The following NBEA variants were observed in gnomAD, a reference collection of about 807,000 sequenced individuals.
The protein encoded by NBEA is lysosomal-trafficking regulator 2.
NBEA carries 44 observed loss-of-function variants against 343.4 expected under a neutral mutation model. The ratio of observed to expected loss-of-function variants is 0.13; its 90% CI spans 0.10 to 0.16. The LOEUF (loss-of-function observed/expected upper bound fraction) is 0.16, where lower values mean the gene tolerates loss of function less well. Among genes scored for constraint, NBEA ranks in the 10% least tolerant of loss-of-function variants. The pLI is 1.00. For missense variants in NBEA, 2,555 were observed against 3,631.3 expected (o/e 0.70, Z 7.62); for synonymous variants, 1,175 against 1,238.7 (o/e 0.95, Z 1.08).
At chr13:35,309,633 T>C (rs1273532707) in intron 36 of NBEA, 41 bp downstream of exon 36, 1 of 1,197,056 alleles carries the variant, frequency 8.4e-7, no homozygotes, top group African/African-American at 1.6e-5. Context: ...TCAGTGTACA[T>C]TTTATTCCAC....
chr13:35,086,413 G>A (rs576733835), intron 10 of NBEA, among the ~76,000 whole-genome samples: 78 of 151,996 alleles, frequency 5.1e-4, no homozygotes, highest in African/African-American at 1.8e-3. Flanking sequence ...CTGTATGTTT[G>A]TACCGACTAA....
At chr13:35,305,004 A>G (rs889640472) in intron 35 of NBEA, among the ~76,000 whole-genome samples, 12 of 152,266 alleles carry the variant, frequency 7.9e-5, no homozygotes, top group Non-Finnish European at 1.6e-4. Context: ...ACTACCACCT[A>G]CTAAAAAATA....
chr13:35,334,497 T>C (rs1457198431), intron 36 of NBEA, among the ~76,000 whole-genome samples: 1 of 152,162 alleles, frequency 6.6e-6, no homozygotes, highest in Non-Finnish European at 1.5e-5. Flanking sequence ...CTCGAACTCC[T>C]GACCTCAGGT....
chr13:35,485,574 A>G (rs2076277826), intron 41 of NBEA, among the ~76,000 whole-genome samples: 1 of 152,084 alleles, frequency 6.6e-6, no homozygotes, highest in Non-Finnish European at 1.5e-5. Context: ...GAAACCTACT[A>G]TACTTAATGG....
chr13:35,044,603 G>GGGGT (rs1555286328), intron 2 of NBEA, among the ~76,000 whole-genome samples: 1 of 142,512 alleles, frequency 7.0e-6, no homozygotes, highest in Non-Finnish European at 1.5e-5. Context: ...GCTGTGTTGT[G>GGGGT]GTGTGTGTGT....
intron 18 of NBEA, among the ~76,000 whole-genome samples, chr13:35,152,930 G>A (rs965678333): frequency 1.4e-4 from 21 of 151,946 alleles, no homozygotes; most frequent in African/African-American, 4.6e-4. Context: ...AACCTTTGGG[G>A]CCCATCTTGA....
chr13:35,429,823 G>GTGTGTGTGTA (rs1448402212), intron 38 of NBEA, among the ~76,000 whole-genome samples: 1 of 145,894 alleles, frequency 6.9e-6, no homozygotes, highest in African/African-American at 2.6e-5. Context: ...GTGTGTGTGT[G>GTGTGTGTGTA]TGTGTGTGTG....
At chr13:34,967,564 A>G (rs1263443602) in intron 1 of NBEA, among the ~76,000 whole-genome samples, 1 of 152,068 alleles carries the variant, frequency 6.6e-6, no homozygotes, top group Non-Finnish European at 1.5e-5. Flanking sequence ...AAGTAAATAC[A>G]TACAAATGTA....
At position 35,551,490 on chromosome 13, in the gene NBEA, T is replaced by C. The variant is rs182456154; in HGVS notation, c.6806+458T>C. 5.4e-4 allele frequency among the ~76,000 whole-genome samples: 82 copies of C among 152,304 alleles called. 1 individual carries two copies. The highest frequency in any genetic ancestry group is 5.1e-3 in the Admixed American group (78 of 15,288). On this transcript the variant is annotated intron_variant, in intron 43 of 58. Transcript: ENST00000379939. ...TAATTATGGTATAGTTGTAACCACA[T>C]TTCCTAGATTTTCATCTTGGTATTT...
chr13:35,440,693 G>C (rs2045693248), intron 39 of NBEA, among the ~76,000 whole-genome samples: 1 of 152,174 alleles, frequency 6.6e-6, no homozygotes, highest in Non-Finnish European at 1.5e-5. Flanking sequence ...TGCTGTGAAG[G>C]GGATTGTCGT....
At chr13:35,136,659 A>G (rs1196100482) in intron 17 of NBEA, among the ~76,000 whole-genome samples, 1 of 152,240 alleles carries the variant, frequency 6.6e-6, no homozygotes, top group African/African-American at 2.4e-5. Context: ...CTGGCCTCAG[A>G]CTTCTCCCAG....
intron 49 of NBEA, among the ~76,000 whole-genome samples, chr13:35,633,471 G>A (rs2083558999): frequency 6.6e-6 from 1 of 151,500 alleles, no homozygotes; most frequent in South Asian, 2.1e-4. Flanking sequence ...ACCGAGGCGG[G>A]TGGATCACTA....
chr13:35,418,230 G>A (rs1340261904), intron 38 of NBEA, among the ~76,000 whole-genome samples: 1 of 151,986 alleles, frequency 6.6e-6, no homozygotes, highest in Non-Finnish European at 1.5e-5. Flanking sequence ...GGAACATTTA[G>A]CCCATTTACA....
intron 35 of NBEA, among the ~76,000 whole-genome samples, chr13:35,299,358 A>G (rs1318902258): frequency 1.3e-5 from 2 of 152,182 alleles, no homozygotes; most frequent in Non-Finnish European, 2.9e-5. Context: ...TTGAGTTGAC[A>G]TAGATGGGGA....
rs528560685 is a variant in NBEA, at chr13:35,267,839, AAAG to A, written c.5777-22541_5777-22539del. 3.4e-3 allele frequency among the ~76,000 whole-genome samples: 502 copies of A among 147,708 alleles called. 4 individuals are homozygous for A. The highest frequency in any genetic ancestry group is 0.012 in the African/African-American group (465 of 37,560). ...GGATGGGTACTATTTAAAAAAAAAA[AAAG>A]AAGAAGAAAAAACAATAACAAATGT... is the stretch of plus-strand genomic sequence containing the variant. On this transcript the variant is annotated intron_variant, in intron 34 of 58. Transcript: ENST00000379939.
chr13:35,614,537 T>A lies in NBEA; in HGVS notation c.7449+7959T>A, dbSNP rs940499011. ...CCTTATTATAAGGCTTAAGAATCAG[T>A]CAAGTGCTCAGTGAGGCCGTAGAGG... is the stretch of plus-strand genomic sequence containing the variant. On this transcript the variant is annotated intron_variant, in intron 48 of 58. Transcript: ENST00000379939. Among the ~76,000 whole-genome samples the A allele has an allele frequency of 2.6e-5, 4 of 152,274 alleles. No homozygotes were observed. In the East Asian group the frequency reaches 7.7e-4, roughly 29 times the overall value.
intron 55 of NBEA, among the ~76,000 whole-genome samples, chr13:35,660,543 A>C (rs2085042041): frequency 6.6e-6 from 1 of 152,184 alleles, no homozygotes; most frequent in African/African-American, 2.4e-5. Flanking sequence ...ATTGCAAAGG[A>C]GACTCCAGCT....
chr13:35,363,059 G>A (rs2040904181), intron 38 of NBEA, among the ~76,000 whole-genome samples: 1 of 151,824 alleles, frequency 6.6e-6, no homozygotes, highest in Admixed American at 6.6e-5. Flanking sequence ...CTTCACCGTT[G>A]CCATTTATGG....
chr13:34,944,836 T>G (rs1022705267), intron 1 of NBEA, among the ~76,000 whole-genome samples: 5 of 152,204 alleles, frequency 3.3e-5, no homozygotes, highest in African/African-American at 1.2e-4. Context: ...ACTTAATACA[T>G]TTTAACCTGG....
Sources: allele counts gnomAD v4.1 joint callset (sites outside exome capture counted in the v4.1 genomes callset), GRCh38; gene constraint gnomAD v4.1.1; transcripts MANE v1.5; gene names NCBI Gene and HGNC (gene_info 2026-07-23, HGNC 2026-07-21).